PROM1: variants seen among roughly 807,000 people sequenced by gnomAD.
PROM1 encodes the protein prominin-1.
In PROM1, 105 loss-of-function variants were observed where a neutral mutation model predicts 116.9. The observed-to-expected ratio is 0.90, with a 90% CI of 0.77 to 1.06. The LOEUF is 1.06. Ranked by LOEUF, PROM1 falls within the 50% of genes least tolerant of loss-of-function variation. The probability of loss-of-function intolerance (pLI) is 0.00; values close to 1 mark genes in which losing one functional copy is unlikely to be tolerated. For missense variants in PROM1, 1,122 were observed against 1,045.2 expected (o/e 1.07, Z -1.01); for synonymous variants, 393 against 387.0 (o/e 1.02, Z -0.18).
At chr4:16,074,691 T>TA (rs1425089933) in intron 2 of PROM1, among the ~76,000 whole-genome samples, 1 of 152,188 alleles carries the variant, frequency 6.6e-6, no homozygotes, top group Admixed American at 6.5e-5. Context: ...AAATAAGTGT[T>TA]AAAAAACCAA....
At chr4:16,017,446 C>G (rs763327738) in intron 9 of PROM1, among the ~76,000 whole-genome samples, 2 of 152,106 alleles carry the variant, frequency 1.3e-5, no homozygotes, top group Non-Finnish European at 2.9e-5. Context: ...ACACAGATGT[C>G]GCAGGTGAAA....
intron 2 of PROM1, among the ~76,000 whole-genome samples, chr4:16,073,709 G>A (rs1462255387): frequency 6.6e-6 from 1 of 152,096 alleles, no homozygotes; most frequent in Admixed American, 6.6e-5. Flanking sequence ...AGACAAACTA[G>A]GCTAATACCC....
At chr4:16,019,767 A>T (rs759924125) in intron 8 of PROM1, among the ~76,000 whole-genome samples, 22 of 152,186 alleles carry the variant, frequency 1.4e-4, no homozygotes, top group Non-Finnish European at 2.8e-4. Context: ...TGGAGGATCA[A>T]GCTGCAATTG....
chr4:15,993,406 C>A (rs1027180608), intron 16 of PROM1, among the ~76,000 whole-genome samples: 3 of 152,192 alleles, frequency 2.0e-5, no homozygotes, highest in Admixed American at 6.5e-5. Flanking sequence ...TTTCTTCAGG[C>A]CAGTGTGCCC....
intron 26 of PROM1, among the ~76,000 whole-genome samples, chr4:15,976,838 C>T (rs1716257570): frequency 6.6e-6 from 1 of 152,178 alleles, no homozygotes; most frequent in African/African-American, 2.4e-5. Flanking sequence ...AATGACTTGC[C>T]TCCAGCTGGG....
chr4:15,978,851 T>G (rs887409661), intron 26 of PROM1, among the ~76,000 whole-genome samples: 1 of 152,186 alleles, frequency 6.6e-6, no homozygotes. Context: ...CAAGCAAAGC[T>G]CAGAGTTACC....
At chr4:16,041,775 TAAATAA>T (rs1290406296) in intron 2 of PROM1, among the ~76,000 whole-genome samples, 552 of 48,892 alleles carry the variant, frequency 0.011, 5 homozygotes, top group African/African-American at 0.025. Flanking sequence ...AATAAATAAA[TAAATAA>T]ATAAATATAT....
chr4:16,058,699 A>T (rs888327725), intron 2 of PROM1, among the ~76,000 whole-genome samples: 1 of 152,148 alleles, frequency 6.6e-6, no homozygotes, highest in African/African-American at 2.4e-5. Context: ...TAGAGGAGGA[A>T]GCCAAAACTG....
At chr4:16,050,054 AG>A in intron 2 of PROM1, among the ~76,000 whole-genome samples, 1 of 152,044 alleles carries the variant, frequency 6.6e-6, no homozygotes, top group South Asian at 2.1e-4. Flanking sequence ...CGAGGTCAGG[AG>A]TTCGAGACCA....
chr4:16,043,692 A>T (rs1735848921), intron 2 of PROM1, among the ~76,000 whole-genome samples: 1 of 152,200 alleles, frequency 6.6e-6, no homozygotes, highest in South Asian at 2.1e-4. Context: ...AGGGATGTGT[A>T]CTGTAGCCCG....
At chr4:16,002,899 G>A (rs2149204986) in intron 13 of PROM1, among the ~76,000 whole-genome samples, 1 of 152,262 alleles carries the variant, frequency 6.6e-6, no homozygotes, top group South Asian at 2.1e-4. Context: ...TGAGATAATG[G>A]CTAATGTGTA....
intron 26 of PROM1, among the ~76,000 whole-genome samples, chr4:15,973,040 A>G (rs1715016152): frequency 6.6e-6 from 1 of 152,200 alleles, no homozygotes; most frequent in Non-Finnish European, 1.5e-5. Context: ...AGCACCCTCT[A>G]CAAGACCTAT....
intron 2 of PROM1, among the ~76,000 whole-genome samples, chr4:16,045,703 T>C (rs756703701): frequency 2.6e-5 from 4 of 152,304 alleles, no homozygotes; most frequent in Admixed American, 6.5e-5. Context: ...CTGAAGCTTA[T>C]AGACCAGCAC....
rs60492380 is a variant in PROM1, at chr4:16,033,586, C to CTTTTT, written c.304-82_304-78dup. The CTTTTT allele has an allele frequency of 0.022, 5,841 of 271,546 alleles. 56 individuals carry two copies. Among genetic ancestry groups the CTTTTT allele is most frequent in the South Asian group, 0.027 (524 of 19,090 alleles). The allele number at this position is 271,546 out of a possible 1,614,324, so 16.8% of individuals were successfully genotyped here. On this transcript the variant is annotated intron_variant, in intron 4 of 27. Transcript: ENST00000447510. ...AGAACATTCCATGGTGTACAAAGTT[C>CTTTTT]TTTTTTTTTTTTTTTTTTTTTGAGA...
rs3815344 is a variant in PROM1, at chr4:15,984,361, G to T, written c.2281-6C>A. 2.1e-5 allele frequency: 32 copies of T among 1,560,394 alleles called. No homozygotes were observed. Among genetic ancestry groups the T allele is most frequent in the African/African-American group, 5.5e-5 (4 of 73,242 alleles). On this transcript the variant is annotated splice_region_variant and splice_polypyrimidine_tract_variant and intron_variant, in intron 22 of 27. Transcript: ENST00000447510. ...GATGCCACTTTCTCACTGATCTAGG[G>T]GGGTGGAAACACAGGGAAACTTTGA...
At chr4:15,984,429 C>T in intron 22 of PROM1, 74 bp from the exon 23 acceptor site, 1 of 1,102,506 alleles carries the variant, frequency 9.1e-7, no homozygotes, top group Non-Finnish European at 1.3e-6. Context: ...GTGCCATTTA[C>T]TTTTGACTTG....
intron 5 of PROM1, among the ~76,000 whole-genome samples, chr4:16,032,563 A>T (rs148356134): frequency 3.9e-5 from 6 of 152,226 alleles, no homozygotes; most frequent in East Asian, 1.9e-4. Context: ...TGCATGAAAC[A>T]GTGGCGGAAT....
chr4:16,005,187 T>C (rs1481083630), intron 13 of PROM1, among the ~76,000 whole-genome samples: 51 of 152,218 alleles, frequency 3.4e-4, no homozygotes. Context: ...GGTCTCGAAC[T>C]CCTGGCCTCA....
At chr4:15,980,221 GA>G in intron 24 of PROM1, 200 bp downstream of exon 24, 1 of 559,050 alleles carries the variant, frequency 1.8e-6, no homozygotes, top group Non-Finnish European at 3.1e-6. Context: ...TAAGCAAGAG[GA>G]AAAAAGTAGT....
Sources: gnomAD v4.1 joint callset for allele counts (sites outside exome capture counted in the v4.1 genomes callset) on GRCh38, gnomAD v4.1.1 for gene constraint, MANE v1.5 for transcripts, NCBI Gene and HGNC (gene_info 2026-07-23, HGNC 2026-07-21) for gene names.